UBE2H: variants seen among roughly 807,000 people sequenced by gnomAD.
The protein encoded by UBE2H is ubiquitin-conjugating enzyme E2 H.
In UBE2H, 3 loss-of-function variants were observed where a neutral mutation model predicts 29.0. The observed-to-expected ratio is 0.10, with a 90% CI of 0.05 to 0.27. The LOEUF is 0.27. Among genes scored for constraint, UBE2H ranks in the 10% least tolerant of loss-of-function variants. The pLI is 1.00. For missense variants in UBE2H, 68 were observed against 228.2 expected, an observed-to-expected ratio of 0.30 and a Z score of 4.52; for synonymous variants, 69 against 82.9, an observed-to-expected ratio of 0.83 and a Z score of 0.91.
chr7:129,922,672 A>G (rs1015952865), intron 1 of UBE2H, among the ~76,000 whole-genome samples: 2 of 152,216 alleles, frequency 1.3e-5, no homozygotes, highest in Admixed American at 6.5e-5. Flanking sequence ...AAAATATGAG[A>G]TAGCAAATAT....
At chr7:129,895,353 A>AG (rs1473902850) in intron 1 of UBE2H, among the ~76,000 whole-genome samples, 2 of 152,196 alleles carry the variant, frequency 1.3e-5, no homozygotes, top group Non-Finnish European at 2.9e-5. Flanking sequence ...AAAAACATGC[A>AG]GGAAGAACCT....
At chr7:129,879,676 C>T (rs781454671) in intron 2 of UBE2H, 34 bp from the exon 3 acceptor site, 2 of 1,547,604 alleles carry the variant, frequency 1.3e-6, no homozygotes, top group Admixed American at 3.6e-5. Context: ...ATCAGAACTA[C>T]ATCTCCAAAT....
intron 5 of UBE2H, among the ~76,000 whole-genome samples, chr7:129,854,297 C>T (rs1805667549): frequency 6.6e-6 from 1 of 152,108 alleles, no homozygotes; most frequent in Non-Finnish European, 1.5e-5. Context: ...TCTACCAGTA[C>T]TTTATATAAT....
intron 1 of UBE2H, among the ~76,000 whole-genome samples, chr7:129,914,247 A>G (rs1160011375): frequency 6.6e-6 from 1 of 151,826 alleles, no homozygotes; most frequent in East Asian, 1.9e-4. Flanking sequence ...GGCTCACTGC[A>G]ACCTCCGCCT....
intron 1 of UBE2H, among the ~76,000 whole-genome samples, chr7:129,929,110 G>C (rs1393821803): frequency 6.6e-6 from 1 of 152,072 alleles, no homozygotes; most frequent in African/African-American, 2.4e-5. Flanking sequence ...CCTGAGGTCG[G>C]GAGTTTGAGA....
At chr7:129,931,836 CTT>C (rs372552075) in intron 1 of UBE2H, among the ~76,000 whole-genome samples, 12 of 131,274 alleles carry the variant, frequency 9.1e-5, no homozygotes, top group African/African-American at 8.3e-5. Flanking sequence ...TTCTACTTTG[CTT>C]TTTTTTTTTT....
At chr7:129,872,659 T>TGGTGAAA (rs746896655) in intron 3 of UBE2H, among the ~76,000 whole-genome samples, 5 of 151,744 alleles carry the variant, frequency 3.3e-5, no homozygotes, top group Admixed American at 6.6e-5. Flanking sequence ...CTGGCCAACA[T>TGGTGAAA]GGTGAAACCC....
intron 3 of UBE2H, among the ~76,000 whole-genome samples, chr7:129,860,752 G>T (rs546849800): frequency 6.6e-6 from 1 of 151,958 alleles, no homozygotes; most frequent in Non-Finnish European, 1.5e-5. Flanking sequence ...ATATTTACAG[G>T]CTGAGGTTAT....
intron 1 of UBE2H, among the ~76,000 whole-genome samples, chr7:129,946,853 T>C (rs2116532304): frequency 6.6e-6 from 1 of 152,350 alleles, no homozygotes; most frequent in South Asian, 2.1e-4. Flanking sequence ...TACTAACAGG[T>C]ACACTCTGTA....
intron 1 of UBE2H, among the ~76,000 whole-genome samples, chr7:129,926,514 A>G (rs1807273676): frequency 6.6e-6 from 1 of 151,450 alleles, no homozygotes; most frequent in East Asian, 2.0e-4. Context: ...GTCTCAAAAA[A>G]AAAAAAAGAA....
chr7:129,923,653 T>C (rs1807209363), intron 1 of UBE2H, among the ~76,000 whole-genome samples: 1 of 152,192 alleles, frequency 6.6e-6, no homozygotes, highest in African/African-American at 2.4e-5. Flanking sequence ...ACATGGAAGC[T>C]TTCTGAAACC....
intron 1 of UBE2H, among the ~76,000 whole-genome samples, chr7:129,946,496 G>A (rs1807768776): frequency 1.3e-5 from 2 of 152,134 alleles, no homozygotes; most frequent in Non-Finnish European, 1.5e-5. Flanking sequence ...AAGCCATAAG[G>A]TTAACATTTA....
chr7:129,903,989 T>G (rs1806768085), intron 1 of UBE2H, among the ~76,000 whole-genome samples: 1 of 152,254 alleles, frequency 6.6e-6, no homozygotes, highest in Admixed American at 6.5e-5. Context: ...AAATTAACAT[T>G]TAGAATCCCA....
At chr7:129,869,537 C>T (rs1285458555) in intron 3 of UBE2H, among the ~76,000 whole-genome samples, 1 of 152,192 alleles carries the variant, frequency 6.6e-6, no homozygotes, top group Non-Finnish European at 1.5e-5. Flanking sequence ...TCACCATCCT[C>T]ACTCTCAAGC....
At chr7:129,854,071 T>TTTTTTTATTTTTTTTATTTTA (rs1563022999) in intron 5 of UBE2H, among the ~76,000 whole-genome samples, 65 of 149,910 alleles carry the variant, frequency 4.3e-4, no homozygotes, top group Non-Finnish European at 8.5e-4. Flanking sequence ...TTTTTTTTTT[T>TTTTTTTATTTTTTTTATTTTA]TTTTTTTTTT....
chr7:129,939,334 C>T (rs1807595824), intron 1 of UBE2H, among the ~76,000 whole-genome samples: 1 of 152,158 alleles, frequency 6.6e-6, no homozygotes, highest in African/African-American at 2.4e-5. Context: ...CCACTGCAAC[C>T]AGCGAAAGTG....
intron 4 of UBE2H, among the ~76,000 whole-genome samples, chr7:129,858,130 G>A (rs892688803): frequency 6.6e-6 from 1 of 152,144 alleles, no homozygotes; most frequent in Non-Finnish European, 1.5e-5. Flanking sequence ...TAAAAAGTAA[G>A]TTACTGGAAT....
chr7:129,887,386 T>TA, intron 1 of UBE2H, among the ~76,000 whole-genome samples: 1 of 152,036 alleles, frequency 6.6e-6, no homozygotes, highest in Admixed American at 6.6e-5. Flanking sequence ...CACACCCGGC[T>TA]AATTTTTGTA....
chr7:129,908,271 A>G (rs1357422964), intron 1 of UBE2H, among the ~76,000 whole-genome samples: 3 of 152,244 alleles, frequency 2.0e-5, no homozygotes, highest in Non-Finnish European at 4.4e-5. Flanking sequence ...AAGCATGCCC[A>G]TGAATAAGAA....
Sources: gnomAD v4.1 joint callset for allele counts (sites outside exome capture counted in the v4.1 genomes callset) on GRCh38, gnomAD v4.1.1 for gene constraint, MANE v1.5 for transcripts, NCBI Gene and HGNC (gene_info 2026-07-23, HGNC 2026-07-21) for gene names.